IPMK: variants seen among roughly 807,000 people sequenced by gnomAD.
IPMK encodes the protein inositol 1,3,4,6-tetrakisphosphate 5-kinase.
IPMK carries 17 observed loss-of-function variants against 45.8 expected under a neutral mutation model. The ratio of observed to expected loss-of-function variants is 0.37; its 90% CI spans 0.25 to 0.56. The LOEUF (loss-of-function observed/expected upper bound fraction) is 0.56. Among genes scored for constraint, IPMK ranks in the 20% least tolerant of loss-of-function variants. The pLI, the probability that IPMK is intolerant of heterozygous loss-of-function variation, is 0.79. For synonymous variants in IPMK, 180 were observed against 184.3 expected (o/e 0.98, Z 0.19); for missense variants, 399 against 498.0 (o/e 0.80, Z 1.89).
At chr10:58,247,333 CTGCT>C (rs1463712633) in intron 1 of IPMK, among the ~76,000 whole-genome samples, 1 of 151,550 alleles carries the variant, frequency 6.6e-6, no homozygotes, top group Non-Finnish European at 1.5e-5. Context: ...ATAAATCATG[CTGCT>C]ATAAAGACAC....
At chr10:58,198,408 T>C (rs371855935) in intron 5 of IPMK, among the ~76,000 whole-genome samples, 3 of 152,208 alleles carry the variant, frequency 2.0e-5, no homozygotes, top group African/African-American at 7.2e-5. Context: ...TTCCCCCAAT[T>C]TGGGACAGAA....
chr10:58,212,331 TA>T (rs1391451717), intron 4 of IPMK, among the ~76,000 whole-genome samples: 1 of 152,322 alleles, frequency 6.6e-6, no homozygotes, highest in South Asian at 2.1e-4. Context: ...CAAATGAGTT[TA>T]AATGCATTTT....
intron 1 of IPMK, among the ~76,000 whole-genome samples, chr10:58,250,473 T>C (rs1351477010): frequency 6.6e-6 from 1 of 152,176 alleles, no homozygotes; most frequent in East Asian, 1.9e-4. Context: ...TAGTTTCTTT[T>C]TCAGATTGTT....
intron 4 of IPMK, among the ~76,000 whole-genome samples, chr10:58,211,692 C>G (rs1243100782): frequency 6.6e-6 from 1 of 150,942 alleles, no homozygotes; most frequent in African/African-American, 2.4e-5. Context: ...GTACTAAAAC[C>G]TCAGTGCAAC....
intron 4 of IPMK, among the ~76,000 whole-genome samples, chr10:58,212,265 G>T (rs1259291615): frequency 2.0e-5 from 3 of 152,052 alleles, no homozygotes; most frequent in Non-Finnish European, 4.4e-5. Context: ...AGCTTCTTCA[G>T]GAACGTTACA....
At chr10:58,220,573 C>T (rs1008845727) in intron 3 of IPMK, among the ~76,000 whole-genome samples, 14 of 152,082 alleles carry the variant, frequency 9.2e-5, no homozygotes, top group African/African-American at 3.4e-4. Flanking sequence ...ACAGACTCTA[C>T]CACAGGGATA....
chr10:58,203,553 C>T (rs1473166304), intron 4 of IPMK, among the ~76,000 whole-genome samples: 2 of 152,126 alleles, frequency 1.3e-5, no homozygotes, highest in Non-Finnish European at 2.9e-5. Context: ...TGAGCTCAAG[C>T]GATCCACCCG....
intron 1 of IPMK, among the ~76,000 whole-genome samples, chr10:58,245,517 T>G (rs1838785078): frequency 2.0e-5 from 3 of 148,628 alleles, no homozygotes; most frequent in African/African-American, 7.7e-5. Context: ...GAGGCTGGGG[T>G]AGGACAATCG....
chr10:58,253,643 C>T (rs2790214), intron 1 of IPMK, among the ~76,000 whole-genome samples: 50,789 of 148,816 alleles, frequency 0.34, 10,772 homozygotes, highest in African/African-American at 0.61. Flanking sequence ...GAGGCTGAGG[C>T]GGGAGAATGC....
intron 3 of IPMK, among the ~76,000 whole-genome samples, chr10:58,219,050 T>C (rs1838291813): frequency 1.3e-5 from 2 of 152,162 alleles, no homozygotes; most frequent in African/African-American, 4.8e-5. Context: ...TGTGTTTTTC[T>C]TTACTTTACT....
chr10:58,245,404 G>A (rs1466760266), intron 1 of IPMK, among the ~76,000 whole-genome samples: 2 of 151,864 alleles, frequency 1.3e-5, no homozygotes, highest in African/African-American at 2.4e-5. Context: ...ACGAGGTCAG[G>A]AGTTCAAAAC....
At chr10:58,207,990 G>A (rs549747018) in intron 4 of IPMK, among the ~76,000 whole-genome samples, 172 of 152,108 alleles carry the variant, frequency 1.1e-3, no homozygotes, top group African/African-American at 4.1e-3. Context: ...GCCCAGGCTG[G>A]AGTGCAGTGG....
chr10:58,252,237 T>G (rs1460319447), intron 1 of IPMK, among the ~76,000 whole-genome samples: 1 of 152,242 alleles, frequency 6.6e-6, no homozygotes, highest in Non-Finnish European at 1.5e-5. Flanking sequence ...CAATGTGGAC[T>G]GTCAAGTATC....
chr10:58,249,682 G>A lies in IPMK; in HGVS notation c.191-11868C>T, dbSNP rs139332042. On this transcript the variant is annotated intron_variant, in intron 1 of 5. Transcript: ENST00000373935. ...CTCTGTTGATTGTTTCCTTTGTAGT[G>A]CATAAGCTTTTTGGCTTGATGTAAC... Among the ~76,000 whole-genome samples, 61 of 152,242 alleles carry A rather than the reference G, an allele frequency of 4.0e-4. No individual in the cohort carries two copies. In the East Asian group the frequency reaches 0.012, roughly 29 times the overall value.
chr10:58,238,460 C>A (rs1401284899), intron 1 of IPMK, among the ~76,000 whole-genome samples: 1 of 152,152 alleles, frequency 6.6e-6, no homozygotes, highest in African/African-American at 2.4e-5. Context: ...CATATATATA[C>A]CAACACTGGT....
intron 1 of IPMK, among the ~76,000 whole-genome samples, chr10:58,250,287 A>G (rs191102880): frequency 3.3e-5 from 5 of 152,298 alleles, no homozygotes; most frequent in Admixed American, 1.3e-4. Flanking sequence ...CGAACATTTT[A>G]ATATTAATTC....
At chr10:58,244,319 C>T (rs1838757027) in intron 1 of IPMK, among the ~76,000 whole-genome samples, 1 of 147,422 alleles carries the variant, frequency 6.8e-6, no homozygotes, top group South Asian at 2.2e-4. Flanking sequence ...CCAGGCCGCC[C>T]CGTCTGGGAA....
intron 1 of IPMK, among the ~76,000 whole-genome samples, chr10:58,243,092 A>C (rs371213859): frequency 2.6e-5 from 4 of 152,148 alleles, no homozygotes; most frequent in African/African-American, 9.7e-5. Context: ...CGTCTCAGGT[A>C]GTTCTTTATA....
At chr10:58,233,031 G>T (rs975779124) in intron 2 of IPMK, among the ~76,000 whole-genome samples, 4 of 152,186 alleles carry the variant, frequency 2.6e-5, no homozygotes, top group African/African-American at 9.7e-5. Flanking sequence ...TACCATCAGA[G>T]AATACGATAA....
Sources: gnomAD v4.1 joint callset for allele counts (sites outside exome capture counted in the v4.1 genomes callset) on GRCh38, gnomAD v4.1.1 for gene constraint, MANE v1.5 for transcripts, NCBI Gene and HGNC (gene_info 2026-07-23, HGNC 2026-07-21) for gene names.